Variants in SLC3A1 observed in about 807,000 individuals in gnomAD.
SLC3A1 encodes the protein solute carrier family 3 member 1.
Under a neutral mutation model 60.3 loss-of-function variants are expected in SLC3A1, and 78 were observed. That is an observed-to-expected ratio of 1.29 (90% CI 1.08 to 1.56). The LOEUF (loss-of-function observed/expected upper bound fraction) is 1.56, where lower values mean the gene tolerates loss of function less well. SLC3A1 is among the 40% of genes most tolerant of loss of function. The pLI is 0.00. For synonymous variants in SLC3A1, 392 were observed against 307.9 expected (o/e 1.27, Z -2.86); for missense variants, 1,172 against 858.9 (o/e 1.36, Z -4.56).
At chr2:44,278,474 A>T (rs1227869436) in intron 1 of SLC3A1, among the ~76,000 whole-genome samples, 2 of 151,228 alleles carry the variant, frequency 1.3e-5, no homozygotes, top group Non-Finnish European at 1.5e-5. Flanking sequence ...ATAAATAAAT[A>T]AAATAAAATA....
rs1160090715 is a variant in SLC3A1, at chr2:44,312,626, G to A, written c.1373G>A (p.Gly458Glu). 2 of 1,613,916 alleles carry A rather than the reference G, an allele frequency of 1.2e-6. No homozygotes were observed. The highest frequency in any genetic ancestry group is 3.3e-4 in the Middle Eastern group (2 of 6,060). Residue 458 changes from glycine to glutamate, a missense_variant, in exon 8 of 10, where the codon GGG (glycine) becomes GAG (glutamate). By Grantham distance (98) the Gly-to-Glu change is moderately conservative. Transcript: ENST00000260649. ...PDSSRLTSRL[G>E]NQYVNVMNML... ...AGTTCACGGCTGACTTCGCGTTTGGGGAATCAGTATGTCAACGTGATGAAC... is the reference window on the plus strand; with the variant it reads ...AGTTCACGGCTGACTTCGCGTTTGGAGAATCAGTATGTCAACGTGATGAAC...
At chr2:44,312,188 C>G (rs536696614) in intron 7 of SLC3A1, among the ~76,000 whole-genome samples, 2 of 152,160 alleles carry the variant, frequency 1.3e-5, no homozygotes, top group East Asian at 3.9e-4. Flanking sequence ...ATTCATAAGT[C>G]AAAACAATTT....
Position 44,280,957 on chromosome 2 carries a change from G to A in SLC3A1, c.610+62G>A. The A allele has an allele frequency of 7.8e-6, 11 of 1,412,678 alleles. No individual in the cohort carries two copies. In the South Asian group the frequency reaches 1.2e-4, roughly 15 times the overall value. 87.5% of individuals were successfully genotyped at this position (1,412,678 alleles called of 1,614,324 possible). On this transcript the variant is annotated intron_variant, in intron 2 of 9. Coordinates refer to ENST00000260649, the MANE Select transcript of SLC3A1 (RefSeq NM_000341.4). ...GTTTGAGAGAAGCACTTTTTCAAATGTTTACTTAAAGCATTTCTTCTCCTT... is the reference window on the plus strand; with the variant it reads ...GTTTGAGAGAAGCACTTTTTCAAATATTTACTTAAAGCATTTCTTCTCCTT...
At chr2:44,303,813 G>A (rs942198512) in intron 6 of SLC3A1, 1 of 476,342 alleles carries the variant, frequency 2.1e-6, no homozygotes, top group Non-Finnish European at 3.9e-6. Flanking sequence ...TCCCACCTAT[G>A]AGTGAGAACA....
At chr2:44,299,642 G>A (rs1445714134) in intron 4 of SLC3A1, among the ~76,000 whole-genome samples, 1 of 152,150 alleles carries the variant, frequency 6.6e-6, no homozygotes, top group African/African-American at 2.4e-5. Context: ...AGTTTATTCT[G>A]AGTCCTATCT....
At position 44,312,710 on chromosome 2, in the gene SLC3A1, T is replaced by C. The variant is rs769612584; in HGVS notation, c.1457T>C (p.Met486Thr). Residue 486 changes from methionine to threonine, a missense_variant, in exon 8 of 10, where the codon ATG becomes ACG. By Grantham distance (81) the Met-to-Thr change is moderately conservative. Coordinates refer to ENST00000260649, the MANE Select transcript of SLC3A1 (RefSeq NM_000341.4). The stretch of plus-strand genomic sequence containing the variant: ...ACTTACTATGGAGAAGAAATTGGAA[T>C]GGGAAATATTGTAGCCGCAAATCTC... ...PITYYGEEIG[M>T]GNIVAANLNE... 6.2e-7 allele frequency: 1 copy of C among 1,613,538 alleles called. No homozygotes were observed. Among genetic ancestry groups the C allele is most frequent in the Non-Finnish European group, 8.5e-7 (1 of 1,179,580 alleles).
At chr2:44,289,197 C>A (rs767777960) in intron 4 of SLC3A1, among the ~76,000 whole-genome samples, 30 of 145,948 alleles carry the variant, frequency 2.1e-4, no homozygotes, top group Non-Finnish European at 3.5e-4. Context: ...CTTACATATT[C>A]TTTTTCTTTT....
intron 2 of SLC3A1, among the ~76,000 whole-genome samples, chr2:44,281,159 C>CTTTTTT (rs552579658): frequency 8.9e-6 from 1 of 112,560 alleles, no homozygotes; most frequent in Non-Finnish European, 1.7e-5. Flanking sequence ...CCTTTCCCTG[C>CTTTTTT]TTTTTTTTTT....
intron 3 of SLC3A1, chr2:44,285,067 C>T (rs1040221010): frequency 2.0e-5 from 3 of 152,100 alleles, no homozygotes; most frequent in African/African-American, 7.2e-5. Context: ...AATTATTTAT[C>T]CCTTTGAAAT....
chr2:44,280,884 T>G lies in SLC3A1; in HGVS notation c.599T>G (p.Ile200Arg). 6.2e-7 allele frequency: 1 copy of G among 1,614,080 alleles called. No individual in the cohort carries two copies. Among genetic ancestry groups the G allele is most frequent in the Non-Finnish European group, 8.5e-7 (1 of 1,179,942 alleles). Reference protein sequence around the residue: ...MEDFENLVAAIHDKGLKLIID... With the variant: ...MEDFENLVAARHDKGLKLIID... ...GATTTTGAGAATCTGGTTGCAGCCA[T>G]ACATGATAAAGGTAAGTTGAATGGA... is the stretch of plus-strand genomic sequence containing the variant. Residue 200 changes from isoleucine (I) to arginine (R), a missense_variant, in exon 2 of 10, where the codon ATA (isoleucine) becomes AGA (arginine). Coordinates refer to ENST00000260649, the MANE Select transcript of SLC3A1 (RefSeq NM_000341.4).
At chr2:44,316,300 C>G (rs1312642468) in intron 9 of SLC3A1, 1 of 152,198 alleles carries the variant, frequency 6.6e-6, no homozygotes, top group African/African-American at 2.4e-5. Context: ...CAGTAGATTG[C>G]TGTTTAATGG....
downstream of SLC3A1, chr2:44,321,649 A>AAG: frequency 6.6e-7 from 1 of 1,516,696 alleles, no homozygotes; most frequent in Non-Finnish European, 8.8e-7. Context: ...TATCAAGTAC[A>AAG]AGAGAGAGAC....
chr2:44,320,434 TGAG>T lies in SLC3A1; in HGVS notation c.1854_1856del (p.Met618_Arg619delinsIle). The T allele has an allele frequency of 6.2e-7, 1 of 1,614,114 alleles. No individual in the cohort carries two copies. Among genetic ancestry groups the T allele is most frequent in the Non-Finnish European group, 8.5e-7 (1 of 1,179,962 alleles). On this transcript the variant is annotated inframe_deletion, in exon 10 of 10. Transcript: ENST00000260649. ...ATGATTTCGGGCCTTCCCGCTAAAA[TGAG>T]AATAAGGTTAAGTACCAATTCTGCC...
chr2:44,321,461 TA>T lies in SLC3A1; in HGVS notation c.*829del. 6.2e-7 allele frequency: 1 copy of T among 1,605,238 alleles called. No homozygotes were observed. Among genetic ancestry groups the T allele is most frequent in the South Asian group, 1.1e-5 (1 of 90,476 alleles). ...GGGCTGTAATCTAAAAGAAACACAT[TA>T]AAAAAATTAAATAGAAGGCCTTTGT... On this transcript the variant is annotated 3_prime_UTR_variant, in exon 10 of 10. Transcript: ENST00000260649.
chr2:44,282,744 G>A lies in SLC3A1; in HGVS notation c.765+1203G>A, dbSNP rs535576981. On this transcript the variant is annotated intron_variant, in intron 3 of 9. Transcript: ENST00000260649. ...TTGATCATGGCTCACCGCAGTCTTT[G>A]CCTCCTGGGCTCAAGCAATCCTCCC... is the stretch of plus-strand genomic sequence containing the variant. Among the ~76,000 whole-genome samples, 553 of 151,996 alleles carry A rather than the reference G, an allele frequency of 3.6e-3. 3 individuals are homozygous for A. Among genetic ancestry groups the A allele is most frequent in the African/African-American group, 0.013 (534 of 41,428 alleles).
chr2:44,303,493 T>A (rs1672070184), intron 6 of SLC3A1, among the ~76,000 whole-genome samples: 1 of 151,922 alleles, frequency 6.6e-6, no homozygotes, highest in Non-Finnish European at 1.5e-5. Context: ...TGCCTCGGCC[T>A]CCCAAAGTGT....
In SLC3A1 at chr2:44,320,463, G is replaced by C; in HGVS notation, c.1882G>C (p.Asp628His). 1 of 1,614,098 alleles carries C rather than the reference G, an allele frequency of 6.2e-7. No homozygotes were observed. The highest frequency in any genetic ancestry group is 1.7e-5 in the Admixed American group (1 of 60,014). Residue 628 changes from aspartate (D) to histidine (H), a missense_variant, in exon 10 of 10, where the codon GAC becomes CAC. Coordinates refer to ENST00000260649, the MANE Select transcript of SLC3A1 (RefSeq NM_000341.4). ...MRIRLSTNSA[D>H]KGSKVDTSGI... is the part of the protein sequence containing the mutation. ...AATAAGGTTAAGTACCAATTCTGCCGACAAAGGCAGTAAAGTTGATACAAG... is the reference window on the plus strand; with the variant it reads ...AATAAGGTTAAGTACCAATTCTGCCCACAAAGGCAGTAAAGTTGATACAAG...
Position 44,313,827 on chromosome 2 carries a change from TGACATAGA to T in SLC3A1, c.1501-7_1501del. ...CCACTGTTTTCCCTTTCTGGTCTTT[TGACATAGA>T]ATACCCTTCGCTCAAAGTCACCAAT... is the stretch of plus-strand genomic sequence containing the variant. On this transcript the variant is annotated splice_acceptor_variant and splice_polypyrimidine_tract_variant and coding_sequence_variant and intron_variant, in exon 9 of 10. Transcript: ENST00000260649. LOFTEE classifies it high-confidence loss of function. The T allele has an allele frequency of 6.2e-7, 1 of 1,607,366 alleles. No homozygotes were observed. The highest frequency in any genetic ancestry group is 8.5e-7 in the Non-Finnish European group (1 of 1,173,804).
At position 44,300,944 on chromosome 2, in the gene SLC3A1, C is replaced by T. The variant is rs563890145; in HGVS notation, c.1012-59C>T. 675 of 1,607,964 alleles carry T rather than the reference C, an allele frequency of 4.2e-4. 6 individuals carry two copies. In the South Asian group the frequency reaches 6.8e-3, roughly 16 times the overall value. ...AGAGGTTGTCTACATTCATATAGAG[C>T]GAGCTGTGGGCATGCAATGTATGAA... On this transcript the variant is annotated intron_variant, in intron 5 of 9. Transcript: ENST00000260649.
Sources: gnomAD v4.1 joint callset for allele counts (sites outside exome capture counted in the v4.1 genomes callset) on GRCh38, gnomAD v4.1.1 for gene constraint, MANE v1.5 for transcripts, NCBI Gene and HGNC (gene_info 2026-07-23, HGNC 2026-07-21) for gene names.